MPHOSPH9: variants seen among roughly 807,000 people sequenced by gnomAD.
MPHOSPH9 encodes M-phase phosphoprotein 9.
MPHOSPH9 carries 88 observed loss-of-function variants against 145.5 expected under a neutral mutation model. The ratio of observed to expected loss-of-function variants is 0.60; its 90% CI spans 0.51 to 0.72. The LOEUF is 0.72. Ranked by LOEUF, MPHOSPH9 falls within the 30% of genes least tolerant of loss-of-function variation. The pLI is 0.00. For missense variants in MPHOSPH9, 1,238 were observed against 1,386.6 expected (o/e 0.89, Z 1.70); for synonymous variants, 435 against 486.2 (o/e 0.89, Z 1.39).
In MPHOSPH9 at chr12:123,163,955, G is replaced by C. The variant is rs1411674173; in HGVS notation, c.2903C>G (p.Thr968Ser). Residue 968 changes from threonine (T) to serine (S), a missense_variant, in exon 19 of 24, where the codon ACT (threonine) becomes AGT (serine). By Grantham distance (58) the Thr-to-Ser change is moderately conservative. Coordinates refer to ENST00000606320, the MANE Select transcript of MPHOSPH9 (RefSeq NM_022782.4). ...SLPPSNRKSS[T>S]PTKREIMLTP... The stretch of plus-strand genomic sequence containing the variant: ...TGTACACATCTAACTCTTACTTGGA[G>C]TACTTGATTTACGATTTGAAGGTGG... 1.2e-6 allele frequency: 2 copies of C among 1,614,068 alleles called. No individual in the cohort carries two copies. The highest frequency in any genetic ancestry group is 1.7e-5 in the Admixed American group (1 of 60,012).
At chr12:123,214,160 G>C (rs2046863772) in intron 7 of MPHOSPH9, among the ~76,000 whole-genome samples, 1 of 152,142 alleles carries the variant, frequency 6.6e-6, no homozygotes, top group Non-Finnish European at 1.5e-5. Flanking sequence ...ACCCGAAAAA[G>C]GTTGATGATT....
chr12:123,231,416 T>C (rs1381638681), intron 1 of MPHOSPH9, among the ~76,000 whole-genome samples: 1 of 152,240 alleles, frequency 6.6e-6, no homozygotes, highest in Non-Finnish European at 1.5e-5. Flanking sequence ...TAATATTTAA[T>C]TTGTATTAAA....
At position 123,218,560 on chromosome 12, in the gene MPHOSPH9, G is replaced by GT; in HGVS notation, c.873-62dup. 2.6e-6 allele frequency: 4 copies of GT among 1,513,424 alleles called. No homozygotes were observed. In the South Asian group the frequency reaches 4.6e-5, roughly 17 times the overall value. 93.7% of individuals were successfully genotyped at this position (1,513,424 alleles called of 1,614,324 possible). A position where few individuals can be genotyped will look rare whatever the true frequency, so the allele number is the denominator to read the frequency against. On this transcript the variant is annotated intron_variant, in intron 5 of 23. Coordinates refer to ENST00000606320, the MANE Select transcript of MPHOSPH9 (RefSeq NM_022782.4). ...TTTTGTTTTGAGACAGAGTCTTGCTGTGTCGCCCAGGCTGGAGTACGGTGG... is the reference window on the plus strand; with the variant it reads ...TTTTGTTTTGAGACAGAGTCTTGCTGTTGTCGCCCAGGCTGGAGTACGGTGG...
intron 8 of MPHOSPH9, among the ~76,000 whole-genome samples, chr12:123,208,762 G>A (rs958529702): frequency 6.6e-6 from 1 of 151,124 alleles, no homozygotes; most frequent in Non-Finnish European, 1.5e-5. Context: ...CCCTTTTTGA[G>A]ACAGGGTCTC....
intron 3 of MPHOSPH9, among the ~76,000 whole-genome samples, chr12:123,226,860 C>T (rs535947873): frequency 1.5e-4 from 23 of 152,264 alleles, no homozygotes; most frequent in African/African-American, 4.1e-4. Flanking sequence ...TAGTCTCAAA[C>T]TCCTGGCCTC....
chr12:123,162,706 G>A (rs893476667), intron 20 of MPHOSPH9: 1 of 255,428 alleles, frequency 3.9e-6, no homozygotes. Flanking sequence ...TGTACAAATG[G>A]CCCAAAAGTT....
intron 13 of MPHOSPH9, among the ~76,000 whole-genome samples, chr12:123,188,462 T>A (rs1431509827): frequency 6.6e-6 from 1 of 152,192 alleles, no homozygotes; most frequent in African/African-American, 2.4e-5. Context: ...TCCAGACCCA[T>A]AAGCTCTTGC....
At chr12:123,195,459 G>A (rs759282658) in intron 12 of MPHOSPH9, among the ~76,000 whole-genome samples, 19 of 151,910 alleles carry the variant, frequency 1.3e-4, no homozygotes, top group South Asian at 1.0e-3. Context: ...AATGGCAGGC[G>A]CCTGTAATCC....
chr12:123,236,958 G>T (rs1237211518), upstream of MPHOSPH9, among the ~76,000 whole-genome samples: 1 of 152,112 alleles, frequency 6.6e-6, no homozygotes, highest in Non-Finnish European at 1.5e-5. Flanking sequence ...GGCGGCATGC[G>T]CCTGTAGTCC....
intron 13 of MPHOSPH9, among the ~76,000 whole-genome samples, chr12:123,182,573 G>T (rs2045232694): frequency 6.6e-6 from 1 of 150,642 alleles, no homozygotes. Context: ...TGCTAAATTA[G>T]TTCTACCTAG....
chr12:123,196,325 G>A (rs761427422), intron 12 of MPHOSPH9, among the ~76,000 whole-genome samples: 1 of 152,062 alleles, frequency 6.6e-6, no homozygotes, highest in East Asian at 1.9e-4. Flanking sequence ...ACTCCAGCCT[G>A]GGCAACAAGG....
chr12:123,202,702 G>A lies in MPHOSPH9; in HGVS notation c.1703C>T (p.Ser568Phe). The change falls in exon 10 of 24, where the codon TCC becomes TTC. Residue 568 changes from serine (S) to phenylalanine (F), a missense_variant. Physicochemically the swap from Ser to Phe is radical, Grantham distance 155. This residue lies in a region of MPHOSPH9 where 837 missense variants were observed against 897.5 expected (regional missense o/e 0.93). Coordinates refer to ENST00000606320, the MANE Select transcript of MPHOSPH9 (RefSeq NM_022782.4). The part of the protein sequence containing the change: ...VMVASASVSQ[S>F]QLPGTANSVP... ...ACTGTTGGCTGTACCTGGAAGCTGG[G>A]ACTGACTGACTGAGGCCGAAGCAAC... 6.2e-7 allele frequency: 1 copy of A among 1,614,158 alleles called. No individual in the cohort carries two copies. The highest frequency in any genetic ancestry group is 8.5e-7 in the Non-Finnish European group (1 of 1,180,020).
intron 4 of MPHOSPH9, among the ~76,000 whole-genome samples, chr12:123,222,324 C>CAA (rs57019975): frequency 2.4e-5 from 3 of 126,120 alleles, no homozygotes; most frequent in African/African-American, 2.9e-5. Context: ...GACCTTGTCT[C>CAA]AAAAAAAAAA....
intron 13 of MPHOSPH9, among the ~76,000 whole-genome samples, chr12:123,193,941 G>GGTAC (rs1163539631): frequency 6.6e-6 from 1 of 151,904 alleles, no homozygotes; most frequent in East Asian, 1.9e-4. Flanking sequence ...CCATCAGGAA[G>GGTAC]GTACATATTC....
intron 21 of MPHOSPH9, 86 bp downstream of exon 21, chr12:123,162,026 ATAT>A (rs2044132065): frequency 2.6e-6 from 2 of 763,674 alleles, no homozygotes; most frequent in Non-Finnish European, 3.9e-6. Flanking sequence ...TAAGTGCAAG[ATAT>A]TATAATATTT....
Position 123,239,506 on chromosome 12 carries a change from G to A in MPHOSPH9, c.-159+4347C>T, listed in dbSNP as rs560037389. ...CAATCTCCACCTCCCAGGTTCAAGC[G>A]ATTCTCCTGCCTCAGCCTCCCAAGT... is the stretch of plus-strand genomic sequence containing the variant. On this transcript the variant is annotated intron_variant, in intron 1 of 2. Coordinates refer to the MPHOSPH9 transcript ENST00000545406. 4.6e-5 allele frequency among the ~76,000 whole-genome samples: 7 copies of A among 152,164 alleles called. No individual in the cohort carries two copies. In the East Asian group the frequency reaches 1.4e-3, roughly 30 times the overall value.
chr12:123,153,261 C>G (rs1010974511), downstream of MPHOSPH9: 1 of 152,200 alleles, frequency 6.6e-6, no homozygotes, highest in African/African-American at 2.4e-5. Flanking sequence ...AAAGTGCTTT[C>G]TGAACTTACA....
At chr12:123,196,456 G>A (rs535045849) in intron 12 of MPHOSPH9, among the ~76,000 whole-genome samples, 53 of 151,962 alleles carry the variant, frequency 3.5e-4, no homozygotes, top group Non-Finnish European at 5.9e-4. Context: ...GCATTTTATC[G>A]TCTAATAGAT....
intron 10 of MPHOSPH9, 139 bp downstream of exon 10, chr12:123,202,484 GA>G: frequency 8.3e-7 from 1 of 1,204,602 alleles, no homozygotes. Context: ...ACAATCAAGT[GA>G]AAAAGTTTTT....
Sources: gnomAD v4.1 joint callset for allele counts (sites outside exome capture counted in the v4.1 genomes callset) on GRCh38, gnomAD v4.1.1 for gene constraint, gnomAD v4.1.1 regional missense constraint, MANE v1.5 for transcripts, NCBI Gene and HGNC (gene_info 2026-07-23, HGNC 2026-07-21) for gene names.